Variants in ROBO1 observed in about 807,000 individuals in gnomAD.
ROBO1 encodes the protein roundabout guidance receptor 1.
A neutral mutation model predicts 195.9 loss-of-function variants in ROBO1; 149 were observed. That is an observed-to-expected ratio of 0.76 (90% CI 0.67 to 0.87). The LOEUF (loss-of-function observed/expected upper bound fraction) is 0.87, where lower values mean the gene tolerates loss of function less well. Among genes scored for constraint, ROBO1 ranks in the 40% least tolerant of loss-of-function variants. ROBO1 has a pLI of 0.00. For missense variants in ROBO1, 1,933 were observed against 2,068.3 expected, an observed-to-expected ratio of 0.93 and a Z score of 1.27; for synonymous variants, 816 against 733.2, an observed-to-expected ratio of 1.11 and a Z score of -1.82.
intron 3 of ROBO1, among the ~76,000 whole-genome samples, chr3:79,102,448 T>G (rs2079695758): frequency 6.6e-6 from 1 of 151,770 alleles, no homozygotes; most frequent in South Asian, 2.1e-4. Flanking sequence ...ACATCATAAA[T>G]TGCAGCCATA....
chr3:78,698,022 A>G (rs888852588), intron 8 of ROBO1, among the ~76,000 whole-genome samples: 2 of 152,164 alleles, frequency 1.3e-5, no homozygotes, highest in African/African-American at 4.8e-5. Flanking sequence ...AATTCTAATG[A>G]ATCCTTAAAT....
At chr3:78,781,839 T>C (rs1576154653) in intron 4 of ROBO1, among the ~76,000 whole-genome samples, 1 of 152,202 alleles carries the variant, frequency 6.6e-6, no homozygotes, top group African/African-American at 2.4e-5. Context: ...GTTTAAAATA[T>C]ACATAATAGT....
intron 2 of ROBO1, among the ~76,000 whole-genome samples, chr3:79,135,704 C>T (rs1036212135): frequency 2.8e-4 from 43 of 151,942 alleles, no homozygotes; most frequent in African/African-American, 9.2e-4. Flanking sequence ...ATGGTGCGAC[C>T]TCAGCTCACC....
At chr3:78,900,351 C>A (rs1206139267) in intron 4 of ROBO1, among the ~76,000 whole-genome samples, 2 of 151,766 alleles carry the variant, frequency 1.3e-5, no homozygotes, top group African/African-American at 4.8e-5. Context: ...TATTTAATTC[C>A]CCAAAGAATA....
intron 2 of ROBO1, among the ~76,000 whole-genome samples, chr3:79,257,573 T>C (rs1303158137): frequency 6.6e-6 from 1 of 152,162 alleles, no homozygotes; most frequent in Non-Finnish European, 1.5e-5. Context: ...TTTCATTTAT[T>C]GAACAGCTTA....
intron 2 of ROBO1, among the ~76,000 whole-genome samples, chr3:79,335,590 C>A (rs182460586): frequency 6.6e-6 from 1 of 152,250 alleles, no homozygotes; most frequent in East Asian, 1.9e-4. Flanking sequence ...TGTAAGTTTC[C>A]TGAGGCCTCC....
chr3:79,089,083 G>T (rs562865957), intron 3 of ROBO1, among the ~76,000 whole-genome samples: 3 of 151,918 alleles, frequency 2.0e-5, no homozygotes, highest in African/African-American at 7.2e-5. Context: ...TTCATAAAAG[G>T]CAAAATGTAT....
At chr3:79,276,173 T>C (rs1004279441) in intron 2 of ROBO1, among the ~76,000 whole-genome samples, 3 of 152,066 alleles carry the variant, frequency 2.0e-5, no homozygotes, top group Non-Finnish European at 4.4e-5. Flanking sequence ...ACAGCTATCC[T>C]GAGCAAAAAG....
intron 1 of ROBO1, among the ~76,000 whole-genome samples, chr3:79,615,306 T>C (rs1224838180): frequency 6.6e-6 from 1 of 152,174 alleles, no homozygotes; most frequent in African/African-American, 2.4e-5. Flanking sequence ...AATCAGATAA[T>C]CTTCAAATCT....
chr3:79,142,413 T>C (rs1295146040), intron 2 of ROBO1, among the ~76,000 whole-genome samples: 1 of 152,146 alleles, frequency 6.6e-6, no homozygotes, highest in Non-Finnish European at 1.5e-5. Flanking sequence ...CTAAAGTTGT[T>C]GAGATTATCA....
At chr3:79,562,385 A>C (rs1942950976) in intron 2 of ROBO1, among the ~76,000 whole-genome samples, 1 of 152,070 alleles carries the variant, frequency 6.6e-6, no homozygotes, top group South Asian at 2.1e-4. Flanking sequence ...TATTTATTAG[A>C]CTTTAAGTTC....
At chr3:79,473,874 T>C (rs1938411660) in intron 2 of ROBO1, among the ~76,000 whole-genome samples, 1 of 152,110 alleles carries the variant, frequency 6.6e-6, no homozygotes, top group African/African-American at 2.4e-5. Context: ...AGGACTGCAT[T>C]ATGCATTTCA....
chr3:78,673,281 T>G (rs1708171270), intron 10 of ROBO1, among the ~76,000 whole-genome samples: 1 of 151,380 alleles, frequency 6.6e-6, no homozygotes, highest in Non-Finnish European at 1.5e-5. Context: ...CTAGGTAAGC[T>G]TATCCTATAA....
rs1179006345 is a variant in ROBO1, at chr3:79,130,063, A to G, written c.89-4524T>C. 5.7e-5 allele frequency among the ~76,000 whole-genome samples: 3 copies of G among 52,910 alleles called. No homozygotes were observed. The East Asian group carries it at 1.4e-3, about 25-fold the overall frequency. 34.7% of individuals were successfully genotyped at this position (52,910 alleles called of 152,430 possible). ...ATATCTCTGTTTTGGTACCAGTACC[A>G]TGCTGTTTTGGTTACTGTAGCCTTG... On this transcript the variant is annotated intron_variant, in intron 2 of 30. Transcript: ENST00000464233.
chr3:79,611,072 C>T (rs2107920261), intron 1 of ROBO1, among the ~76,000 whole-genome samples: 1 of 152,046 alleles, frequency 6.6e-6, no homozygotes, highest in East Asian at 1.9e-4. Context: ...CTACATGGTA[C>T]AAGAGTCAAA....
chr3:78,829,584 AG>A (rs1022091925), intron 4 of ROBO1, among the ~76,000 whole-genome samples: 4 of 152,228 alleles, frequency 2.6e-5, no homozygotes, highest in African/African-American at 9.6e-5. Flanking sequence ...ATGCAACATG[AG>A]GGGAGATCTG....
intron 1 of ROBO1, among the ~76,000 whole-genome samples, chr3:79,642,794 T>G (rs566910973): frequency 6.6e-6 from 1 of 152,260 alleles, no homozygotes; most frequent in Non-Finnish European, 1.5e-5. Context: ...AAAAAAACAC[T>G]AATATGCCGA....
intron 3 of ROBO1, among the ~76,000 whole-genome samples, chr3:79,031,467 G>T (rs1227485659): frequency 6.6e-6 from 1 of 152,124 alleles, no homozygotes; most frequent in Non-Finnish European, 1.5e-5. Context: ...AAAATGCTTA[G>T]GTGCATATGT....
intron 2 of ROBO1, among the ~76,000 whole-genome samples, chr3:79,340,755 C>A (rs2034875756): frequency 1.3e-5 from 2 of 152,188 alleles, no homozygotes; most frequent in South Asian, 2.1e-4. Flanking sequence ...CCAGATATAA[C>A]CAATTTTCAT....
Sources: gnomAD v4.1 joint callset for allele counts (sites outside exome capture counted in the v4.1 genomes callset) on GRCh38, gnomAD v4.1.1 for gene constraint, MANE v1.5 for transcripts, NCBI Gene and HGNC (gene_info 2026-07-23, HGNC 2026-07-21) for gene names.